ABHD2: variants seen among roughly 807,000 people sequenced by gnomAD.
ABHD2 encodes monoacylglycerol lipase ABHD2.
A neutral mutation model predicts 48.1 loss-of-function variants in ABHD2; 20 were observed. The ratio of observed to expected loss-of-function variants is 0.42; its 90% CI spans 0.29 to 0.60. ABHD2 has a LOEUF of 0.60. Among genes scored for constraint, ABHD2 ranks in the 20% least tolerant of loss-of-function variants. The pLI is 0.24. For synonymous variants in ABHD2, 209 were observed against 214.2 expected (o/e 0.98, Z 0.21); for missense variants, 405 against 550.9 (o/e 0.74, Z 2.65).
the ABHD2 span, among the ~76,000 whole-genome samples, chr15:89,061,955 C>T: frequency 6.6e-6 from 1 of 152,096 alleles, no homozygotes; most frequent in Non-Finnish European, 1.5e-5. Flanking sequence ...ATGCCTGTGC[C>T]ATAGTTTGCA....
intron 1 of ABHD2, among the ~76,000 whole-genome samples, chr15:89,112,090 G>A (rs926988300): frequency 1.3e-5 from 2 of 152,048 alleles, no homozygotes; most frequent in African/African-American, 4.8e-5. Context: ...TTATTAAAGC[G>A]GGCCAGGGAT....
intron 3 of ABHD2, among the ~76,000 whole-genome samples, chr15:89,119,990 T>C (rs1159187578): frequency 6.6e-6 from 1 of 152,206 alleles, no homozygotes. Flanking sequence ...CAACAAGCTG[T>C]GAATATTAGT....
At chr15:89,041,529 G>T in the ABHD2 span, among the ~76,000 whole-genome samples, 1 of 152,256 alleles carries the variant, frequency 6.6e-6, no homozygotes, top group South Asian at 2.1e-4. Flanking sequence ...GTGACTCTTA[G>T]TGCAGCAGTT....
At chr15:89,062,666 G>A in the ABHD2 span, among the ~76,000 whole-genome samples, 794 of 152,228 alleles carry the variant, frequency 5.2e-3, 7 homozygotes, top group African/African-American at 0.018. Flanking sequence ...AGGATTACAG[G>A]CGTGAGCCAC....
At chr15:89,095,484 G>A (rs976066585) in intron 1 of ABHD2, among the ~76,000 whole-genome samples, 3 of 152,188 alleles carry the variant, frequency 2.0e-5, no homozygotes, top group Admixed American at 6.5e-5. Context: ...GAAGTGCCAC[G>A]TTTTAGTTCT....
intron 6 of ABHD2, among the ~76,000 whole-genome samples, chr15:89,180,359 C>G (rs1248639206): frequency 1.3e-5 from 2 of 152,028 alleles, no homozygotes; most frequent in African/African-American, 4.8e-5. Flanking sequence ...GGAAAAGATT[C>G]TGATAAGGAA....
Position 89,175,765 on chromosome 15 carries a change from T to C in ABHD2, c.539-47T>C, listed in dbSNP as rs1596146889. 1 of 1,608,028 alleles carries C rather than the reference T, an allele frequency of 6.2e-7. No individual in the cohort carries two copies. Among genetic ancestry groups the C allele is most frequent in the East Asian group, 2.2e-5 (1 of 44,838 alleles). The stretch of plus-strand genomic sequence containing the variant: ...CGTTCCAGCTTGCATTTTCTCCAGA[T>C]AGGATGCACCTGAAATGATTGAGCA... On this transcript the variant is annotated intron_variant, in intron 5 of 10. Coordinates refer to ENST00000352732, the MANE Select transcript of ABHD2 (RefSeq NM_152924.5). This position sits in a 1 kb window ranked among gnomAD's most constrained non-coding sequence, Gnocchi z 5.7.
chr15:89,099,287 T>G (rs550462235), intron 1 of ABHD2, among the ~76,000 whole-genome samples: 4 of 152,300 alleles, frequency 2.6e-5, no homozygotes, highest in African/African-American at 9.6e-5. Context: ...CATCCAGCTT[T>G]GTTCCTTCAT....
In ABHD2 at chr15:89,128,866, G is replaced by A. The variant is rs1230750749; in HGVS notation, c.194+12345G>A. Among the ~76,000 whole-genome samples the A allele has an allele frequency of 2.6e-5, 4 of 152,230 alleles. No homozygotes were observed. In the South Asian group the frequency reaches 8.3e-4, roughly 32 times the overall value. ...GAAGAGTTTGGGCTTGATCCTGTGA[G>A]CACTGGTGGTAGGTGGTTGGAAAGG... On this transcript the variant is annotated intron_variant, in intron 3 of 10. Transcript: ENST00000352732.
the ABHD2 span, among the ~76,000 whole-genome samples, chr15:89,074,337 C>T: frequency 1.2e-3 from 178 of 151,624 alleles, 1 homozygote; most frequent in East Asian, 0.026. Context: ...GATCATGACA[C>T]TGCATCCAGC....
At chr15:89,157,565 C>A (rs760745257) in intron 5 of ABHD2, among the ~76,000 whole-genome samples, 20 of 152,066 alleles carry the variant, frequency 1.3e-4, no homozygotes, top group Non-Finnish European at 2.5e-4. Context: ...TGAATTTGGC[C>A]GAGCGCAGTA....
the ABHD2 span, among the ~76,000 whole-genome samples, chr15:89,056,260 C>A: frequency 6.6e-6 from 1 of 152,116 alleles, no homozygotes; most frequent in Non-Finnish European, 1.5e-5. Flanking sequence ...AGGAAAAAAA[C>A]TCACAAAACT....
chr15:89,161,843 C>T (rs960446957), intron 5 of ABHD2, among the ~76,000 whole-genome samples: 5 of 152,304 alleles, frequency 3.3e-5, no homozygotes, highest in African/African-American at 9.6e-5. Context: ...CCACAGTGGG[C>T]GTGGCTTATA....
the ABHD2 span, among the ~76,000 whole-genome samples, chr15:89,056,602 C>T: frequency 6.6e-6 from 1 of 152,034 alleles, no homozygotes; most frequent in Non-Finnish European, 1.5e-5. Context: ...GAGTTCGCAC[C>T]ACTGCACTCC....
chr15:89,136,412 C>T (rs1395389179), intron 3 of ABHD2: 2 of 500,326 alleles, frequency 4.0e-6, no homozygotes, highest in South Asian at 1.5e-5. Flanking sequence ...GATGTTTGTT[C>T]TTATGTGCCT....
the ABHD2 span, among the ~76,000 whole-genome samples, chr15:89,081,195 T>C: frequency 6.9e-6 from 1 of 145,088 alleles, no homozygotes; most frequent in African/African-American, 2.6e-5. Flanking sequence ...TTTTTTTTAC[T>C]TTTTTGTAGA....
chr15:89,087,247 G>A (rs973964505), upstream of ABHD2: 15 of 152,352 alleles, frequency 9.8e-5, no homozygotes, highest in African/African-American at 3.4e-4. This position sits in a 1 kb window ranked among gnomAD's most constrained non-coding sequence, Gnocchi z 5.5. Context: ...CCAGCCCACT[G>A]TTCCTTGTCA....
chr15:89,134,351 T>C (rs954279460), intron 3 of ABHD2, among the ~76,000 whole-genome samples: 2 of 152,208 alleles, frequency 1.3e-5, no homozygotes, highest in African/African-American at 2.4e-5. Context: ...TCCAACATAA[T>C]TTTTTTCAAG....
At chr15:89,071,651 G>A in the ABHD2 span, among the ~76,000 whole-genome samples, 1 of 152,164 alleles carries the variant, frequency 6.6e-6, no homozygotes, top group African/African-American at 2.4e-5. Flanking sequence ...AGACAGGAAG[G>A]GAGTGGGGTG....
Sources: gnomAD v4.1 joint callset for allele counts (sites outside exome capture counted in the v4.1 genomes callset) on GRCh38, gnomAD v4.1.1 for gene constraint, Gnocchi (gnomAD v3.1) non-coding constraint, MANE v1.5 for transcripts, NCBI Gene and HGNC (gene_info 2026-07-23, HGNC 2026-07-21) for gene names.